FRMD5: variants seen among roughly 807,000 people sequenced by gnomAD.
The protein encoded by FRMD5 is FERM domain containing 5, also known as FERM domain-containing protein 5.
Under a neutral mutation model 69.0 loss-of-function variants are expected in FRMD5, and 20 were observed. The ratio of observed to expected loss-of-function variants is 0.29; its 90% CI spans 0.20 to 0.42. The LOEUF is 0.42. Among genes scored for constraint, FRMD5 ranks in the 10% least tolerant of loss-of-function variants. The pLI is 1.00. For missense variants in FRMD5, 595 were observed against 708.6 expected, an observed-to-expected ratio of 0.84 and a Z score of 1.82; for synonymous variants, 271 against 260.1, an observed-to-expected ratio of 1.04 and a Z score of -0.40.
chr15:43,980,255 C>T (rs2090528060), intron 1 of FRMD5, among the ~76,000 whole-genome samples: 1 of 152,178 alleles, frequency 6.6e-6, no homozygotes. Flanking sequence ...TAGGTAGAAC[C>T]TCAACTATGC....
chr15:44,143,707 C>T (rs202109039), intron 1 of FRMD5, among the ~76,000 whole-genome samples: 3 of 151,256 alleles, frequency 2.0e-5, no homozygotes, highest in African/African-American at 4.9e-5. Context: ...AGGCTGATCA[C>T]GAGGCCAGGA....
At chr15:44,155,132 C>T (rs915513321) in intron 1 of FRMD5, among the ~76,000 whole-genome samples, 8 of 152,062 alleles carry the variant, frequency 5.3e-5, no homozygotes, top group African/African-American at 9.7e-5. Flanking sequence ...CATACACACA[C>T]TGTTGATAAA....
chr15:44,102,969 G>A (rs2076660959), intron 1 of FRMD5, among the ~76,000 whole-genome samples: 1 of 152,180 alleles, frequency 6.6e-6, no homozygotes, highest in African/African-American at 2.4e-5. Context: ...TGGAACAAAA[G>A]CCTTGCCTAC....
Position 43,919,748 on chromosome 15 carries a change from T to C in FRMD5, c.250+19A>G, listed in dbSNP as rs1227659365. 2 of 1,613,168 alleles carry C rather than the reference T, an allele frequency of 1.2e-6. No homozygotes were observed. The highest frequency in any genetic ancestry group is 1.3e-5 in the African/African-American group (1 of 74,926). Reference sequence around the variant, plus strand: ...CTCCCCAGGGGTGTGGCTTGAGTCTTTTCATGGAGAATACTTACATCTCAA... The same window carrying C: ...CTCCCCAGGGGTGTGGCTTGAGTCTCTTCATGGAGAATACTTACATCTCAA... On this transcript the variant is annotated intron_variant, in intron 3 of 13. Coordinates refer to ENST00000417257, the MANE Select transcript of FRMD5 (RefSeq NM_032892.5).
intron 1 of FRMD5, among the ~76,000 whole-genome samples, chr15:44,076,707 G>A (rs1236165821): frequency 3.3e-5 from 5 of 150,064 alleles, no homozygotes; most frequent in Non-Finnish European, 7.4e-5. Context: ...GCACCAGCAT[G>A]GCACATGTAT....
At chr15:44,160,136 T>C (rs1418954906) in intron 1 of FRMD5, among the ~76,000 whole-genome samples, 1 of 152,218 alleles carries the variant, frequency 6.6e-6, no homozygotes, top group East Asian at 1.9e-4. Flanking sequence ...GGCAGATCAC[T>C]TGAGGTCAGG....
At chr15:44,149,852 T>A (rs894747777) in intron 1 of FRMD5, among the ~76,000 whole-genome samples, 2 of 152,090 alleles carry the variant, frequency 1.3e-5, no homozygotes, top group Non-Finnish European at 2.9e-5. Context: ...ATTAAAAAAT[T>A]ACAGAACAAT....
At chr15:43,964,245 C>T (rs1311322423) in intron 1 of FRMD5, among the ~76,000 whole-genome samples, 1 of 151,914 alleles carries the variant, frequency 6.6e-6, no homozygotes, top group Non-Finnish European at 1.5e-5. Context: ...AATCAAAAGT[C>T]CTTATAAATA....
chr15:43,887,994 A>G (rs998322881), intron 10 of FRMD5, among the ~76,000 whole-genome samples, 181 bp downstream of exon 10: 2 of 152,210 alleles, frequency 1.3e-5, no homozygotes, highest in African/African-American at 4.8e-5. Flanking sequence ...CATTCTTTAC[A>G]AAATCCCTTT....
At chr15:44,061,557 G>A (rs549086283) in intron 1 of FRMD5, among the ~76,000 whole-genome samples, 4 of 152,274 alleles carry the variant, frequency 2.6e-5, no homozygotes, top group African/African-American at 9.6e-5. Flanking sequence ...TCTGATATAG[G>A]CCATAAATGT....
At chr15:44,102,649 G>T (rs1199082181) in intron 1 of FRMD5, among the ~76,000 whole-genome samples, 1 of 152,170 alleles carries the variant, frequency 6.6e-6, no homozygotes, top group East Asian at 1.9e-4. Context: ...CTTTCATTCT[G>T]CCTGCAGAAC....
chr15:44,000,459 A>AT (rs758023840), intron 1 of FRMD5, among the ~76,000 whole-genome samples: 2,951 of 138,240 alleles, frequency 0.021, 50 homozygotes, highest in African/African-American at 0.053. Flanking sequence ...TGGTAGTTCT[A>AT]TTTTTTTTTT....
At chr15:44,051,657 C>G (rs1032596858) in intron 1 of FRMD5, among the ~76,000 whole-genome samples, 6 of 152,026 alleles carry the variant, frequency 3.9e-5, no homozygotes, top group Non-Finnish European at 7.4e-5. Flanking sequence ...GTAGTCATGT[C>G]TCCTTAGGCT....
intron 1 of FRMD5, among the ~76,000 whole-genome samples, chr15:44,153,077 T>A (rs182035406): frequency 5.9e-5 from 9 of 152,296 alleles, no homozygotes; most frequent in African/African-American, 2.2e-4. Context: ...CTGGACAGGA[T>A]GTGGAGAAAC....
At chr15:43,891,777 C>G (rs895727560) in intron 8 of FRMD5, among the ~76,000 whole-genome samples, 3 of 152,186 alleles carry the variant, frequency 2.0e-5, no homozygotes, top group Non-Finnish European at 4.4e-5. Flanking sequence ...TCTGGAGAGG[C>G]TGTTGGCTCT....
At chr15:44,046,423 TC>T (rs1197205685) in intron 1 of FRMD5, among the ~76,000 whole-genome samples, 1 of 152,186 alleles carries the variant, frequency 6.6e-6, no homozygotes, top group Non-Finnish European at 1.5e-5. Flanking sequence ...CAAGGACACT[TC>T]CATATCCTTA....
intron 1 of FRMD5, among the ~76,000 whole-genome samples, chr15:43,937,234 C>A (rs1222393746): frequency 1.3e-5 from 2 of 152,180 alleles, no homozygotes; most frequent in Non-Finnish European, 2.9e-5. Context: ...CATTGGGCTT[C>A]AGATCAATGG....
At chr15:44,008,993 T>A (rs1462306290) in intron 1 of FRMD5, among the ~76,000 whole-genome samples, 1 of 152,106 alleles carries the variant, frequency 6.6e-6, no homozygotes, top group Non-Finnish European at 1.5e-5. Context: ...ACCACTGCAC[T>A]CCAGCCTGGG....
At chr15:43,877,528 G>A (rs915763196) in intron 13 of FRMD5, among the ~76,000 whole-genome samples, 8 of 152,200 alleles carry the variant, frequency 5.3e-5, no homozygotes, top group Non-Finnish European at 1.0e-4. Flanking sequence ...ATTCTCCAGA[G>A]GAATGAGCCC....
Sources: allele counts gnomAD v4.1 joint callset (sites outside exome capture counted in the v4.1 genomes callset), GRCh38; gene constraint gnomAD v4.1.1; transcripts MANE v1.5; gene names NCBI Gene and HGNC (gene_info 2026-07-23, HGNC 2026-07-21).